UBE2E1: variants seen among roughly 807,000 people sequenced by gnomAD.
UBE2E1 encodes the protein ubiquitin conjugating enzyme E2 E1.
In UBE2E1, 6 loss-of-function variants were observed where a neutral mutation model predicts 21.4. The observed-to-expected ratio is 0.28, with a 90% CI of 0.15 to 0.55. The LOEUF is 0.55. Among genes scored for constraint, UBE2E1 ranks in the 20% least tolerant of loss-of-function variants. The pLI is 0.93. For missense variants in UBE2E1, 142 were observed against 236.5 expected (o/e 0.60, Z 2.62); for synonymous variants, 87 against 82.7 (o/e 1.05, Z -0.28).
chr3:23,848,731 A>G (rs1700262041), intron 3 of UBE2E1, among the ~76,000 whole-genome samples: 1 of 152,250 alleles, frequency 6.6e-6, no homozygotes, highest in African/African-American at 2.4e-5. Flanking sequence ...TAGAGAGATT[A>G]GGAAAGAATT....
At position 23,876,919 on chromosome 3, in the gene UBE2E1, C is replaced by G. The variant is rs140681171; in HGVS notation, c.204-10648C>G. On this transcript the variant is annotated intron_variant, in intron 3 of 5. Coordinates refer to ENST00000306627, the MANE Select transcript of UBE2E1 (RefSeq NM_003341.5). This position sits in a 1 kb window ranked among gnomAD's most constrained non-coding sequence, Gnocchi z 4.3. Reference sequence around the variant, plus strand: ...ATTAGCCAGGTGTGGTGATGCACGCCTGTAATCCTAGCAACTCAGGAGGCT... The same window carrying G: ...ATTAGCCAGGTGTGGTGATGCACGCGTGTAATCCTAGCAACTCAGGAGGCT... Among the ~76,000 whole-genome samples the G allele has an allele frequency of 4.0e-3, 602 of 152,274 alleles. 5 individuals are homozygous for G. The highest frequency in any genetic ancestry group is 0.013 in the African/African-American group (539 of 41,546).
intron 3 of UBE2E1, among the ~76,000 whole-genome samples, chr3:23,837,701 G>T (rs892329301): frequency 6.6e-6 from 1 of 152,146 alleles, no homozygotes; most frequent in East Asian, 1.9e-4. Flanking sequence ...GATTGGTTTT[G>T]GTGTTTTGTT....
chr3:23,810,333 C>A lies in UBE2E1; in HGVS notation c.153-1127C>A. ...TCTAAGTGCCTAGGTAAGCAAAAGA[C>A]AAAGGCCAGGGCTTGGTGTGAACTG... On this transcript the variant is annotated intron_variant, in intron 2 of 5. Coordinates refer to ENST00000306627, the MANE Select transcript of UBE2E1 (RefSeq NM_003341.5). The surrounding 1 kb of genome is among the most constrained non-coding windows in gnomAD (Gnocchi z 5.8). 8.6e-7 allele frequency: 1 copy of A among 1,166,944 alleles called. No individual in the cohort carries two copies. The highest frequency in any genetic ancestry group is 1.2e-6 in the Non-Finnish European group (1 of 817,628). 72.3% of individuals were successfully genotyped at this position (1,166,944 alleles called of 1,614,324 possible). A position where few individuals can be genotyped will look rare whatever the true frequency, so the allele number is the denominator to read the frequency against.
At chr3:23,845,589 C>CTCTCTCTCTCTGTGTGTGTGTGTG (rs1553637998) in intron 3 of UBE2E1, among the ~76,000 whole-genome samples, 1 of 121,288 alleles carries the variant, frequency 8.2e-6, no homozygotes. Context: ...CTCTCTCTCT[C>CTCTCTCTCTCTGTGTGTGTGTGTG]TGTGTGTGTG....
At chr3:23,873,143 C>G (rs1442416996) in intron 3 of UBE2E1, among the ~76,000 whole-genome samples, 3 of 152,188 alleles carry the variant, frequency 2.0e-5, no homozygotes, top group African/African-American at 7.2e-5. Context: ...GTGGCCCTCT[C>G]ACACCTGGTG....
chr3:23,862,069 C>T (rs1026652896), intron 3 of UBE2E1, among the ~76,000 whole-genome samples: 2 of 151,738 alleles, frequency 1.3e-5, no homozygotes, highest in Admixed American at 6.6e-5. Flanking sequence ...GTGGGGTCGG[C>T]GCCTCACAGC....
chr3:23,860,062 A>T (rs926739606), intron 3 of UBE2E1, among the ~76,000 whole-genome samples: 1 of 152,160 alleles, frequency 6.6e-6, no homozygotes, highest in Non-Finnish European at 1.5e-5. Context: ...GATGTCTTGA[A>T]ATAAGGGATG....
rs890195058 is a variant in UBE2E1, at chr3:23,870,347, G to C, written c.204-17220G>C. On this transcript the variant is annotated intron_variant, in intron 3 of 5. Transcript: ENST00000306627. The surrounding 1 kb of genome is among the most constrained non-coding windows in gnomAD (Gnocchi z 4.2). ...ATCACTTTAGACTTAAATATCACCAGCCCATATTCAGAGGGAGGGGAATTA... is the reference window on the plus strand; with the variant it reads ...ATCACTTTAGACTTAAATATCACCACCCCATATTCAGAGGGAGGGGAATTA... Among the ~76,000 whole-genome samples, 7 of 152,192 alleles carry C rather than the reference G, an allele frequency of 4.6e-5. No individual in the cohort carries two copies. The highest frequency in any genetic ancestry group is 1.7e-4 in the African/African-American group (7 of 41,434).
intron 3 of UBE2E1, among the ~76,000 whole-genome samples, chr3:23,811,996 A>T (rs1008058820): frequency 6.6e-5 from 10 of 152,180 alleles, no homozygotes; most frequent in African/African-American, 2.4e-4. Flanking sequence ...TCAGGAAACA[A>T]TTTCTGGCTT....
intron 3 of UBE2E1, among the ~76,000 whole-genome samples, chr3:23,861,461 G>A (rs1053848214): frequency 2.6e-5 from 4 of 152,152 alleles, no homozygotes; most frequent in Non-Finnish European, 5.9e-5. Flanking sequence ...CCTGGCGAGG[G>A]CTCCACCCCC....
chr3:23,887,442 T>C lies in UBE2E1; in HGVS notation c.204-125T>C. ...GTTCTGCATCCGTTTCTGTACTTGT[T>C]TTGTAAAGAGAATCCACACAGTAAA... On this transcript the variant is annotated intron_variant, in intron 3 of 5. Transcript: ENST00000306627. The surrounding 1 kb of genome is among the most constrained non-coding windows in gnomAD (Gnocchi z 4.4). The C allele has an allele frequency of 7.6e-7, 1 of 1,318,662 alleles. No homozygotes were observed. Among genetic ancestry groups the C allele is most frequent in the Non-Finnish European group, 1.0e-6 (1 of 992,612 alleles). The allele number at this position is 1,318,662 out of a possible 1,614,324, so 81.7% of individuals were successfully genotyped here.
chr3:23,819,777 T>G (rs1025635033), intron 3 of UBE2E1, among the ~76,000 whole-genome samples: 2 of 152,146 alleles, frequency 1.3e-5, no homozygotes, highest in Non-Finnish European at 2.9e-5. Context: ...ACCCAAGCAG[T>G]TTTGGCAATT....
At chr3:23,885,700 A>ATT in intron 3 of UBE2E1, among the ~76,000 whole-genome samples, 1 of 152,110 alleles carries the variant, frequency 6.6e-6, no homozygotes, top group South Asian at 2.1e-4. Flanking sequence ...ATCTATACTA[A>ATT]AAATACAAAA....
intron 3 of UBE2E1, among the ~76,000 whole-genome samples, chr3:23,846,269 A>C (rs1341567701): frequency 1.3e-5 from 2 of 152,206 alleles, no homozygotes; most frequent in Admixed American, 6.5e-5. Flanking sequence ...CCTATTCAAG[A>C]GTGGGTAATA....
rs1444327603 is a variant in UBE2E1, at chr3:23,853,842, A to G, written c.204-33725A>G. 6.6e-6 allele frequency among the ~76,000 whole-genome samples: 1 copy of G among 152,176 alleles called. No individual in the cohort carries two copies. The highest frequency in any genetic ancestry group is 2.4e-5 in the African/African-American group (1 of 41,442). ...GTGGTCATATGTTATTTGTTCACCC[A>G]ACATCCCCCTGGGGTACCAACACTC... On this transcript the variant is annotated intron_variant, in intron 3 of 5. Coordinates refer to ENST00000306627, the MANE Select transcript of UBE2E1 (RefSeq NM_003341.5). This position sits in a 1 kb window ranked among gnomAD's most constrained non-coding sequence, Gnocchi z 4.1.
chr3:23,888,172 T>G (rs1038353990), intron 4 of UBE2E1: 5 of 455,392 alleles, frequency 1.1e-5, no homozygotes, highest in Non-Finnish European at 2.2e-5. Context: ...AATCAGAATC[T>G]CTTCCCAAAG....
At chr3:23,811,317 AAGTTCTTGATGTGT>A (rs1477660974) in intron 2 of UBE2E1, 129 bp from the exon 3 acceptor site, 37 of 736,188 alleles carry the variant, frequency 5.0e-5, no homozygotes, top group Non-Finnish European at 8.6e-5. Flanking sequence ...TAGGGACCTG[AAGTTCTTGATGTGT>A]AGTTCCTCTT....
Position 23,855,310 on chromosome 3 carries a change from C to T in UBE2E1, c.204-32257C>T, listed in dbSNP as rs925288409. ...TTTATTAAATTAGTACATCTTGATA[C>T]GTTAATTTTCATATTGTTTCATTTC... On this transcript the variant is annotated intron_variant, in intron 3 of 5. Coordinates refer to ENST00000306627, the MANE Select transcript of UBE2E1 (RefSeq NM_003341.5). Among the ~76,000 whole-genome samples the T allele has an allele frequency of 7.2e-5, 11 of 152,142 alleles. No homozygotes were observed. The East Asian group carries it at 1.2e-3, about 16-fold the overall frequency.
chr3:23,859,883 G>A (rs1167066775), intron 3 of UBE2E1, among the ~76,000 whole-genome samples: 1 of 152,008 alleles, frequency 6.6e-6, no homozygotes, highest in African/African-American at 2.4e-5. Flanking sequence ...TATTTTTATT[G>A]GTTTATTATA....
Sources: gnomAD v4.1 joint callset for allele counts (sites outside exome capture counted in the v4.1 genomes callset) on GRCh38, gnomAD v4.1.1 for gene constraint, Gnocchi (gnomAD v3.1) non-coding constraint, MANE v1.5 for transcripts, NCBI Gene and HGNC (gene_info 2026-07-23, HGNC 2026-07-21) for gene names.